GLI2: variants seen among roughly 807,000 people sequenced by gnomAD.
GLI2 encodes the protein GLI family zinc finger 2, also known as transcription activator GLI2.
GLI2 carries 22 observed loss-of-function variants against 78.9 expected under a neutral mutation model. That is an observed-to-expected ratio of 0.28 (90% CI 0.20 to 0.40). The LOEUF is 0.40. GLI2 is among the 10% of genes least tolerant of loss of function. The probability of loss-of-function intolerance (pLI) is 1.00; values close to 1 mark genes in which losing one functional copy is unlikely to be tolerated. For synonymous variants in GLI2, 974 were observed against 963.7 expected, an observed-to-expected ratio of 1.01 and a Z score of -0.20; for missense variants, 2,097 against 2,213.2, an observed-to-expected ratio of 0.95 and a Z score of 1.05.
chr2:120,819,566 G>A (rs538654401), intron 2 of GLI2, among the ~76,000 whole-genome samples: 84 of 152,188 alleles, frequency 5.5e-4, no homozygotes, highest in African/African-American at 1.9e-3. Context: ...ATCCACCCTC[G>A]TTTTTAATCT....
chr2:120,848,065 G>C (rs1480487613), intron 2 of GLI2, among the ~76,000 whole-genome samples: 1 of 152,230 alleles, frequency 6.6e-6, no homozygotes, highest in African/African-American at 2.4e-5. Context: ...TGTGGGAAGA[G>C]GGAGAAGGCA....
intron 1 of GLI2, among the ~76,000 whole-genome samples, chr2:120,751,335 C>T (rs781580531): frequency 2.0e-5 from 3 of 151,990 alleles, no homozygotes; most frequent in Admixed American, 1.3e-4. Flanking sequence ...TCCTTTCCAC[C>T]GTTCTCCCCT....
chr2:120,909,661 T>A (rs981764982), intron 2 of GLI2, among the ~76,000 whole-genome samples: 1 of 151,938 alleles, frequency 6.6e-6, no homozygotes, highest in African/African-American at 2.4e-5. Flanking sequence ...GTCAGGAGAT[T>A]GAGACCATCC....
At chr2:120,880,140 A>C (rs1392804158) in intron 2 of GLI2, among the ~76,000 whole-genome samples, 1 of 152,114 alleles carries the variant, frequency 6.6e-6, no homozygotes, top group Admixed American at 6.5e-5. Context: ...GGGGAAAGAA[A>C]GTTGTCTTAA....
At chr2:120,903,699 G>GA (rs1020096706) in intron 2 of GLI2, among the ~76,000 whole-genome samples, 3 of 152,110 alleles carry the variant, frequency 2.0e-5, no homozygotes, top group Middle Eastern at 3.2e-3. Context: ...GTCCACTTGA[G>GA]ATGCAGGGTG....
At chr2:120,761,155 G>A (rs1025857802) in intron 1 of GLI2, among the ~76,000 whole-genome samples, 1 of 152,194 alleles carries the variant, frequency 6.6e-6, no homozygotes. Context: ...GGTGGCTAGG[G>A]ACGAAGATTA....
At chr2:120,803,285 C>T (rs1254350072) in intron 2 of GLI2, among the ~76,000 whole-genome samples, 1 of 152,250 alleles carries the variant, frequency 6.6e-6, no homozygotes, top group Non-Finnish European at 1.5e-5. Context: ...TCACTTTTCT[C>T]ATCTATAAAA....
intron 1 of GLI2, among the ~76,000 whole-genome samples, chr2:120,752,760 C>G (rs1304076517): frequency 1.3e-5 from 2 of 152,182 alleles, no homozygotes; most frequent in Non-Finnish European, 2.9e-5. Flanking sequence ...GTGTAAGTGG[C>G]ATGGAAATGA....
intron 2 of GLI2, among the ~76,000 whole-genome samples, chr2:120,798,757 G>A (rs1304808585): frequency 1.3e-5 from 2 of 152,124 alleles, no homozygotes; most frequent in Non-Finnish European, 2.9e-5. Flanking sequence ...GGAGCCAAGC[G>A]CACAGGGAGG....
intron 3 of GLI2, among the ~76,000 whole-genome samples, chr2:120,944,827 A>G (rs1275522200): frequency 2.0e-5 from 3 of 152,202 alleles, no homozygotes; most frequent in Non-Finnish European, 4.4e-5. Context: ...TGCTGGATGT[A>G]TTGCACGTAG....
At chr2:120,860,616 A>T (rs921035285) in intron 2 of GLI2, among the ~76,000 whole-genome samples, 1 of 152,170 alleles carries the variant, frequency 6.6e-6, no homozygotes, top group Non-Finnish European at 1.5e-5. Context: ...AGATCTGGGG[A>T]GGGCATTTCA....
intron 2 of GLI2, among the ~76,000 whole-genome samples, chr2:120,893,746 T>C (rs1325435163): frequency 6.6e-6 from 1 of 151,604 alleles, no homozygotes; most frequent in East Asian, 1.9e-4. Flanking sequence ...AGCAAACTAA[T>C]GTGGACAGGG....
intron 2 of GLI2, among the ~76,000 whole-genome samples, chr2:120,896,891 TAACAGGGCTG>T (rs1217125495): frequency 6.6e-6 from 1 of 151,990 alleles, no homozygotes; most frequent in Non-Finnish European, 1.5e-5. Flanking sequence ...GCATAGTGTG[TAACAGGGCTG>T]AACAAAAAGT....
chr2:120,957,425 A>G (rs192492924), intron 5 of GLI2, among the ~76,000 whole-genome samples: 1 of 152,364 alleles, frequency 6.6e-6, no homozygotes, highest in East Asian at 1.9e-4. Context: ...GTGAGGTGTC[A>G]GAGATACTGA....
intron 2 of GLI2, among the ~76,000 whole-genome samples, chr2:120,814,993 C>G: frequency 6.6e-6 from 1 of 152,114 alleles, no homozygotes; most frequent in Non-Finnish European, 1.5e-5. Flanking sequence ...CTGTCCTGTC[C>G]TGTTGATGCC....
chr2:120,906,734 C>G (rs564905350), intron 2 of GLI2, among the ~76,000 whole-genome samples: 1 of 152,310 alleles, frequency 6.6e-6, no homozygotes, highest in South Asian at 2.1e-4. Flanking sequence ...AACAGGCCTT[C>G]TCCCCTGTGT....
intron 2 of GLI2, among the ~76,000 whole-genome samples, chr2:120,798,324 C>G (rs1266362309): frequency 2.0e-5 from 3 of 152,120 alleles, no homozygotes; most frequent in African/African-American, 7.2e-5. Context: ...TTGGTGGAGA[C>G]CCCGATTCAA....
chr2:120,864,381 G>T (rs1688031392), intron 2 of GLI2, among the ~76,000 whole-genome samples: 1 of 152,206 alleles, frequency 6.6e-6, no homozygotes, highest in Non-Finnish European at 1.5e-5. Flanking sequence ...GCCCCTGCAA[G>T]TCCTGCTCTG....
intron 2 of GLI2, among the ~76,000 whole-genome samples, chr2:120,848,380 A>G (rs1181725611): frequency 6.6e-6 from 1 of 152,188 alleles, no homozygotes; most frequent in African/African-American, 2.4e-5. Context: ...ACCGGCGAGC[A>G]GAGTGGGGAT....
Sources: allele counts gnomAD v4.1 joint callset (sites outside exome capture counted in the v4.1 genomes callset), GRCh38; gene constraint gnomAD v4.1.1; transcripts MANE v1.5; gene names NCBI Gene and HGNC (gene_info 2026-07-23, HGNC 2026-07-21).